The following CASK variants were observed in gnomAD, a reference collection of about 807,000 sequenced individuals.
CASK encodes the protein calcium/calmodulin dependent serine protein kinase.
In CASK, 4 loss-of-function variants were observed where a neutral mutation model predicts 82.9. That is an observed-to-expected ratio of 0.05 (90% CI 0.02 to 0.11). CASK has a LOEUF of 0.11. Ranked by LOEUF, CASK falls within the 10% of genes least tolerant of loss-of-function variation. CASK has a pLI of 1.00. For synonymous variants in CASK, 259 were observed against 253.5 expected, an observed-to-expected ratio of 1.02 and a Z score of -0.20; for missense variants, 358 against 720.9, an observed-to-expected ratio of 0.50 and a Z score of 5.76.
Position 41,633,041 on chromosome X carries a change from CA to C in CASK, c.915+3536del, listed in dbSNP as rs1162810871. 6.6e-3 allele frequency among the ~76,000 whole-genome samples: 404 copies of C among 61,060 alleles called. 1 individual carries two copies. Among genetic ancestry groups the C allele is most frequent in the African/African-American group, 0.018 (279 of 15,735 alleles). 53.0% of individuals were successfully genotyped at this position (61,060 alleles called of 115,157 possible). A position where few individuals can be genotyped will look rare whatever the true frequency, so the allele number is the denominator to read the frequency against. On this transcript the variant is annotated intron_variant, in intron 9 of 26. Coordinates refer to ENST00000378163, the MANE Select transcript of CASK (RefSeq NM_001367721.1). The stretch of plus-strand genomic sequence containing the variant: ...CCTGGGTGATGGAGTAAGACTCTCT[CA>C]AAAAAAAAAAAAAAAATAATAATAA...
chrX:41,737,650 G>C (rs1454977940), intron 5 of CASK, among the ~76,000 whole-genome samples: 1 of 112,293 alleles, frequency 8.9e-6, no homozygotes, highest in Non-Finnish European at 1.9e-5. Flanking sequence ...CTACATTATT[G>C]AAAGTATTAC....
At chrX:41,900,350 T>C (rs2072347288) in intron 1 of CASK, among the ~76,000 whole-genome samples, 1 of 111,588 alleles carries the variant, frequency 9.0e-6, no homozygotes. Context: ...TTCCCCTTTT[T>C]CTTTCTCTGC....
At position 41,923,051 on chromosome X, in the gene CASK, G is replaced by A; in HGVS notation, c.-63C>T. ...CGAAAACGGGGGTGGGGGCGCCCAA[G>A]AGCTCAGTGCCCAGCCCCGGGATCG... On this transcript the variant is annotated 5_prime_UTR_variant, in exon 1 of 27. Transcript: ENST00000378163. 2 of 1,040,978 alleles carry A rather than the reference G, an allele frequency of 1.9e-6. No homozygotes were observed. Among genetic ancestry groups the A allele is most frequent in the Non-Finnish European group, 2.7e-6 (2 of 743,927 alleles). The allele number at this position is 1,040,978 out of a possible 1,213,427, so 85.8% of individuals were successfully genotyped here. A position where few individuals can be genotyped will look rare whatever the true frequency, so the allele number is the denominator to read the frequency against.
At chrX:41,733,169 C>A (rs1392480226) in intron 5 of CASK, among the ~76,000 whole-genome samples, 15 of 56,012 alleles carry the variant, frequency 2.7e-4, no homozygotes, top group African/African-American at 1.1e-3. Context: ...GAGCGAGATT[C>A]CATCTCAAAA....
intron 22 of CASK, among the ~76,000 whole-genome samples, chrX:41,537,818 T>TTTATTATTATTATTA (rs55857120): frequency 9.1e-4 from 87 of 95,363 alleles, no homozygotes; most frequent in Non-Finnish European, 1.6e-3. Context: ...GCCTATTACT[T>TTTATTATTATTATTA]TTATTATTAT....
At chrX:41,676,630 G>A in intron 5 of CASK, 2 of 484,492 alleles carry the variant, frequency 4.1e-6, no homozygotes, top group Non-Finnish European at 6.8e-6. Flanking sequence ...AGCGAGATGG[G>A]AAATCACCAT....
intron 5 of CASK, among the ~76,000 whole-genome samples, chrX:41,726,176 T>C (rs1262944517): frequency 8.9e-6 from 1 of 112,547 alleles, no homozygotes; most frequent in Non-Finnish European, 1.9e-5. Flanking sequence ...CTTGAAATCC[T>C]GGTCTCAAGC....
chrX:41,778,244 T>C (rs1188406220), intron 3 of CASK, among the ~76,000 whole-genome samples: 1 of 110,966 alleles, frequency 9.0e-6, no homozygotes, highest in African/African-American at 3.3e-5. Context: ...TTTTTTTTTT[T>C]TTCAAGACTG....
chrX:41,713,415 A>G (rs1183698945), intron 5 of CASK, among the ~76,000 whole-genome samples: 2 of 112,246 alleles, frequency 1.8e-5, no homozygotes, highest in East Asian at 5.6e-4. Flanking sequence ...GTTTACCCTG[A>G]GAAGGGGACT....
rs1261169103 is a variant in CASK, at chrX:41,761,258, G to GT, written c.279-15658dup. 5.2e-4 allele frequency among the ~76,000 whole-genome samples: 57 copies of GT among 109,138 alleles called. 1 individual carries two copies. The highest frequency in any genetic ancestry group is 3.5e-3 in the South Asian group (9 of 2,563). The allele number at this position is 109,138 out of a possible 115,157, so 94.8% of individuals were successfully genotyped here. On this transcript the variant is annotated intron_variant, in intron 3 of 26. Coordinates refer to ENST00000378163, the MANE Select transcript of CASK (RefSeq NM_001367721.1). ...GCTTGTGGAATTCATGGATTTTGGG[G>GT]TTTTTTTTTGACAGTTCTACTTGTG...
At chrX:41,692,092 A>G (rs1226201020) in intron 5 of CASK, among the ~76,000 whole-genome samples, 1 of 111,396 alleles carries the variant, frequency 9.0e-6, no homozygotes, top group Non-Finnish European at 1.9e-5. Flanking sequence ...CTTTTGTGAT[A>G]CCTACCTCAC....
In CASK at chrX:41,726,575, T is replaced by C. The variant is rs931189700; in HGVS notation, c.429+12809A>G. ...TTAAAAACCAGTCAACTCTCTATTA[T>C]TGTGGCCGCAAAATACTTCTGTAAT... On this transcript the variant is annotated intron_variant, in intron 5 of 26. Transcript: ENST00000378163. Among the ~76,000 whole-genome samples the C allele has an allele frequency of 1.1e-4, 12 of 112,363 alleles. No homozygotes were observed. The Admixed American group carries it at 1.1e-3, about 11-fold the overall frequency.
intron 2 of CASK, among the ~76,000 whole-genome samples, chrX:41,850,216 A>G (rs1284271115): frequency 8.9e-6 from 1 of 112,266 alleles, no homozygotes; most frequent in Non-Finnish European, 1.9e-5. Context: ...CTTCGAATTT[A>G]TTACACATTG....
chrX:41,828,503 A>G (rs1188722937), intron 2 of CASK, among the ~76,000 whole-genome samples: 1 of 112,057 alleles, frequency 8.9e-6, no homozygotes, highest in Non-Finnish European at 1.9e-5. Context: ...ATAGAGACAA[A>G]TTGGTGAAGC....
intron 2 of CASK, among the ~76,000 whole-genome samples, chrX:41,804,698 A>C (rs939580304): frequency 9.0e-6 from 1 of 111,678 alleles, no homozygotes; most frequent in African/African-American, 3.2e-5. Flanking sequence ...GTTATTTTAC[A>C]TGCTACAAAT....
chrX:41,521,949 T>A (rs1047072432), intron 26 of CASK, among the ~76,000 whole-genome samples: 20 of 112,211 alleles, frequency 1.8e-4, no homozygotes, highest in Admixed American at 1.5e-3. Context: ...CCAGTCATTA[T>A]AGGGTTTTAC....
intron 1 of CASK, among the ~76,000 whole-genome samples, chrX:41,861,844 A>G (rs1051276155): frequency 3.9e-5 from 4 of 102,590 alleles, no homozygotes. Context: ...CATACAATAT[A>G]TACATATAAT....
chrX:41,615,504 GGACTTA>G lies in CASK; in HGVS notation c.1034-5485_1034-5480del, dbSNP rs755791249. 1.7e-3 allele frequency among the ~76,000 whole-genome samples: 194 copies of G among 111,690 alleles called. 1 individual carries two copies. Among genetic ancestry groups the G allele is most frequent in the African/African-American group, 6.1e-3 (187 of 30,715 alleles). On this transcript the variant is annotated intron_variant, in intron 11 of 26. Coordinates refer to ENST00000378163, the MANE Select transcript of CASK (RefSeq NM_001367721.1). ...TTACTAAAGCCAGTTCTAAACTTCT[GGACTTA>G]TGAAACCACAATAACAAAAATACTA...
At chrX:41,817,880 G>A (rs1434850815) in intron 2 of CASK, among the ~76,000 whole-genome samples, 1 of 111,223 alleles carries the variant, frequency 9.0e-6, no homozygotes, top group Non-Finnish European at 1.9e-5. Flanking sequence ...AGAGATATAT[G>A]AGAGATACAA....
Sources: allele counts gnomAD v4.1 joint callset (sites outside exome capture counted in the v4.1 genomes callset), GRCh38; gene constraint gnomAD v4.1.1; transcripts MANE v1.5; gene names NCBI Gene and HGNC (gene_info 2026-07-23, HGNC 2026-07-21).